The following ADAMTS17 variants were observed in gnomAD, a reference collection of about 807,000 sequenced individuals.
The protein encoded by ADAMTS17 is ADAM metallopeptidase with thrombospondin type 1 motif 17.
Under a neutral mutation model 141.5 loss-of-function variants are expected in ADAMTS17, and 113 were observed. The ratio of observed to expected loss-of-function variants is 0.80; its 90% CI spans 0.69 to 0.93. The LOEUF is 0.93. ADAMTS17 is among the 40% of genes least tolerant of loss of function. The pLI, the probability that ADAMTS17 is intolerant of heterozygous loss-of-function variation, is 0.00. For missense variants in ADAMTS17, 1,659 were observed against 1,517.9 expected, an observed-to-expected ratio of 1.09 and a Z score of -1.54; for synonymous variants, 768 against 630.6, an observed-to-expected ratio of 1.22 and a Z score of -3.27.
chr15:100,053,767 G>C (rs1026684523), intron 16 of ADAMTS17, 130 bp downstream of exon 16: 1 of 1,335,056 alleles, frequency 7.5e-7, no homozygotes, highest in African/African-American at 1.4e-5. Flanking sequence ...AGCAGGGGAC[G>C]GCATAAACCC....
In ADAMTS17 at chr15:100,303,258, G is replaced by A. The variant is rs1302318818; in HGVS notation, c.617-21857C>T. Among the ~76,000 whole-genome samples, 6 of 147,644 alleles carry A rather than the reference G, an allele frequency of 4.1e-5. No homozygotes were observed. The East Asian group carries it at 9.8e-4, about 24-fold the overall frequency. On this transcript the variant is annotated intron_variant, in intron 3 of 21. Coordinates refer to ENST00000268070, the MANE Select transcript of ADAMTS17 (RefSeq NM_139057.4). ...ATATATTCCATTAGTTCTGTCCCTC[G>A]AGAGAACCCTGATACACTGTTCAAG...
At chr15:100,218,843 A>G (rs984092058) in intron 7 of ADAMTS17, among the ~76,000 whole-genome samples, 1 of 152,222 alleles carries the variant, frequency 6.6e-6, no homozygotes, top group African/African-American at 2.4e-5. Flanking sequence ...TCACTGAAAG[A>G]TAAGCAAGTA....
intron 15 of ADAMTS17, among the ~76,000 whole-genome samples, chr15:100,058,008 A>C (rs2032739371): frequency 6.6e-6 from 1 of 151,960 alleles, no homozygotes; most frequent in Non-Finnish European, 1.5e-5. Flanking sequence ...AGGAAAGAAA[A>C]TTACTATTAC....
chr15:100,310,777 C>T (rs76143880), intron 3 of ADAMTS17, among the ~76,000 whole-genome samples: 8,786 of 152,222 alleles, frequency 0.058, 319 homozygotes, highest in Middle Eastern at 0.082. Flanking sequence ...CCAAACGCCA[C>T]GGCAGGGGGT....
At chr15:100,319,818 C>T (rs1047844816) in intron 3 of ADAMTS17, among the ~76,000 whole-genome samples, 1 of 152,138 alleles carries the variant, frequency 6.6e-6, no homozygotes, top group South Asian at 2.1e-4. Context: ...TAATCCCAGC[C>T]ACTCAGGAGG....
At chr15:100,044,534 T>G (rs4965272) in intron 18 of ADAMTS17, among the ~76,000 whole-genome samples, 53,360 of 152,088 alleles carry the variant, frequency 0.35, 10,862 homozygotes, top group African/African-American at 0.55. Context: ...TTGTTGCTTC[T>G]AAGATCTCCT....
At chr15:100,151,130 G>T (rs575323348) in intron 10 of ADAMTS17, among the ~76,000 whole-genome samples, 1 of 152,258 alleles carries the variant, frequency 6.6e-6, no homozygotes, top group African/African-American at 2.4e-5. Flanking sequence ...TGCTGCTGGG[G>T]GCAGGAGGTA....
At chr15:100,148,335 G>A (rs1181013116) in intron 10 of ADAMTS17, among the ~76,000 whole-genome samples, 3 of 152,000 alleles carry the variant, frequency 2.0e-5, no homozygotes, top group Non-Finnish European at 4.4e-5. Flanking sequence ...CTACTTCCAG[G>A]GCTCTTCATT....
chr15:100,038,856 A>G (rs945019884), intron 18 of ADAMTS17, among the ~76,000 whole-genome samples: 5 of 152,262 alleles, frequency 3.3e-5, no homozygotes, highest in Non-Finnish European at 7.3e-5. Context: ...AAAATGTTGG[A>G]TAGAAATAGT....
intron 10 of ADAMTS17, among the ~76,000 whole-genome samples, chr15:100,133,583 G>A (rs900950551): frequency 1.3e-5 from 2 of 152,198 alleles, no homozygotes; most frequent in African/African-American, 4.8e-5. Context: ...CGAGGGCCTA[G>A]GAGATATCAG....
At chr15:100,076,852 A>G (rs2034412793) in intron 15 of ADAMTS17, among the ~76,000 whole-genome samples, 2 of 152,230 alleles carry the variant, frequency 1.3e-5, no homozygotes, top group Admixed American at 1.3e-4. Context: ...GTAACTCAAT[A>G]TTATATCATA....
At chr15:100,251,411 A>T (rs1372805959) in intron 7 of ADAMTS17, among the ~76,000 whole-genome samples, 1 of 152,242 alleles carries the variant, frequency 6.6e-6, no homozygotes, top group Admixed American at 6.5e-5. Flanking sequence ...GACTATAGGT[A>T]GAGAGAGGAC....
chr15:100,261,295 C>T (rs2043507171), intron 6 of ADAMTS17, among the ~76,000 whole-genome samples, 184 bp downstream of exon 6: 1 of 152,194 alleles, frequency 6.6e-6, no homozygotes, highest in African/African-American at 2.4e-5. Flanking sequence ...GCCCAGGCAT[C>T]GTACCTACCT....
intron 18 of ADAMTS17, among the ~76,000 whole-genome samples, chr15:100,027,804 T>C (rs749825736): frequency 7.2e-5 from 11 of 152,250 alleles, no homozygotes; most frequent in Non-Finnish European, 1.0e-4. Flanking sequence ...TAGCTAGTTA[T>C]AAAATCTTGG....
intron 7 of ADAMTS17, among the ~76,000 whole-genome samples, chr15:100,242,377 C>T (rs1470131787): frequency 6.6e-6 from 1 of 152,232 alleles, no homozygotes; most frequent in African/African-American, 2.4e-5. Flanking sequence ...GAGTAAGTCT[C>T]AGTGCCCACA....
intron 15 of ADAMTS17, among the ~76,000 whole-genome samples, chr15:100,085,492 A>C (rs1174780927): frequency 1.3e-5 from 2 of 151,770 alleles, no homozygotes; most frequent in African/African-American, 2.4e-5. Flanking sequence ...AATATAGAGA[A>C]CACCACAAAG....
At chr15:100,163,429 AT>A (rs139142371) in intron 8 of ADAMTS17, among the ~76,000 whole-genome samples, 8,780 of 151,384 alleles carry the variant, frequency 0.058, 660 homozygotes, top group East Asian at 0.19. Context: ...CATGATCCAC[AT>A]TTTTTTTTAT....
intron 7 of ADAMTS17, among the ~76,000 whole-genome samples, chr15:100,211,142 A>AT (rs56752438): frequency 4.7e-5 from 7 of 148,718 alleles, no homozygotes; most frequent in Non-Finnish European, 7.4e-5. Flanking sequence ...AAATAAATAA[A>AT]AATACAAAAA....
chr15:100,125,938 G>A (rs745545372), intron 12 of ADAMTS17, among the ~76,000 whole-genome samples: 19 of 152,126 alleles, frequency 1.2e-4, no homozygotes, highest in Non-Finnish European at 2.6e-4. Flanking sequence ...TGAAGGGGGT[G>A]AGAAGGGGGT....
Sources: allele counts gnomAD v4.1 joint callset (sites outside exome capture counted in the v4.1 genomes callset), GRCh38; gene constraint gnomAD v4.1.1; transcripts MANE v1.5; gene names NCBI Gene and HGNC (gene_info 2026-07-23, HGNC 2026-07-21).